Variants in PLCB1 observed in about 807,000 individuals in gnomAD.
PLCB1 encodes phospholipase C beta 1, also known as 1-phosphatidylinositol 4,5-bisphosphate phosphodiesterase beta-1.
In PLCB1, 46 loss-of-function variants were observed where a neutral mutation model predicts 161.8. The observed-to-expected ratio is 0.28, with a 90% CI of 0.22 to 0.36. The LOEUF is 0.36. PLCB1 is among the 10% of genes least tolerant of loss of function. The pLI, the probability that PLCB1 is intolerant of heterozygous loss-of-function variation, is 1.00. For synonymous variants in PLCB1, 517 were observed against 503.7 expected (o/e 1.03, Z -0.35); for missense variants, 1,016 against 1,472.5 (o/e 0.69, Z 5.07).
At chr20:8,323,354 G>A (rs73591710) in intron 2 of PLCB1, among the ~76,000 whole-genome samples, 2,554 of 152,212 alleles carry the variant, frequency 0.017, 63 homozygotes, top group Middle Eastern at 0.051. Flanking sequence ...TTGTGGTTCT[G>A]TGGGTCAACT....
intron 3 of PLCB1, among the ~76,000 whole-genome samples, chr20:8,498,634 G>A (rs926375582): frequency 6.6e-6 from 1 of 152,254 alleles, no homozygotes; most frequent in East Asian, 1.9e-4. Context: ...GACATGTGAT[G>A]CCATAATAGT....
chr20:8,539,157 C>T (rs1043624509), intron 3 of PLCB1, among the ~76,000 whole-genome samples: 1 of 152,136 alleles, frequency 6.6e-6, no homozygotes, highest in Non-Finnish European at 1.5e-5. Flanking sequence ...CCTTAATTCT[C>T]ATTTTCAGTT....
At chr20:8,626,341 G>A (rs1988346508) in intron 3 of PLCB1, among the ~76,000 whole-genome samples, 1 of 152,076 alleles carries the variant, frequency 6.6e-6, no homozygotes, top group Non-Finnish European at 1.5e-5. Context: ...ACTCTGGGTG[G>A]TCTTTACTTG....
intron 2 of PLCB1, among the ~76,000 whole-genome samples, chr20:8,216,546 A>T (rs1365504588): frequency 3.9e-5 from 6 of 152,124 alleles, no homozygotes; most frequent in Admixed American, 2.6e-4. Flanking sequence ...TAAAAATACG[A>T]TTCTAAGTAA....
At chr20:8,340,831 C>G (rs1985782653) in intron 2 of PLCB1, among the ~76,000 whole-genome samples, 1 of 152,206 alleles carries the variant, frequency 6.6e-6, no homozygotes, top group Admixed American at 6.5e-5. Context: ...CCTGTGATCT[C>G]ATGGAGTCTA....
At chr20:8,758,323 G>C (rs948923307) in intron 24 of PLCB1, among the ~76,000 whole-genome samples, 1 of 151,818 alleles carries the variant, frequency 6.6e-6, no homozygotes, top group African/African-American at 2.4e-5. Flanking sequence ...GCTCATGCCC[G>C]TAATCCCAGT....
At chr20:8,508,665 A>C (rs1262912604) in intron 3 of PLCB1, among the ~76,000 whole-genome samples, 1 of 152,208 alleles carries the variant, frequency 6.6e-6, no homozygotes, top group East Asian at 1.9e-4. Flanking sequence ...TGCATATGTC[A>C]GTTCTATGTT....
At position 8,132,764 on chromosome 20, in the gene PLCB1, C is replaced by T. The variant is rs370355249; in HGVS notation, c.99+14C>T. On this transcript the variant is annotated intron_variant, in intron 1 of 31. Transcript: ENST00000338037. The surrounding 1 kb of genome is among the most constrained non-coding windows in gnomAD (Gnocchi z 5.2). ...AAGTGGGATGATGTAAGTATTGGGG[C>T]GGCCCGAGTCGGGGCGCTGGCTCGG... The T allele has an allele frequency of 3.7e-5, 59 of 1,577,218 alleles. No homozygotes were observed. Among genetic ancestry groups the T allele is most frequent in the South Asian group, 6.7e-5 (6 of 89,852 alleles).
At chr20:8,305,958 A>G (rs183740251) in intron 2 of PLCB1, 2 of 152,296 alleles carry the variant, frequency 1.3e-5, no homozygotes, top group East Asian at 3.9e-4. Context: ...TGTGTGTGGT[A>G]TCCTCATGAT....
At chr20:8,670,481 A>G (rs1420941590) in intron 9 of PLCB1, among the ~76,000 whole-genome samples, 4 of 152,236 alleles carry the variant, frequency 2.6e-5, no homozygotes, top group Non-Finnish European at 5.9e-5. Context: ...TGAGAAGAGT[A>G]CATAGCCATT....
At chr20:8,358,362 C>T (rs1171979497) in intron 2 of PLCB1, among the ~76,000 whole-genome samples, 1 of 152,180 alleles carries the variant, frequency 6.6e-6, no homozygotes, top group Non-Finnish European at 1.5e-5. Flanking sequence ...GATTCTTCCA[C>T]GTCAGCCTCC....
At chr20:8,864,553 T>A (rs8121979) in intron 31 of PLCB1, among the ~76,000 whole-genome samples, 25,140 of 152,118 alleles carry the variant, frequency 0.17, 2,140 homozygotes, top group South Asian at 0.23. Flanking sequence ...CATGAATGAA[T>A]AAATCAATGA....
At chr20:8,323,810 G>A (rs1457361509) in intron 2 of PLCB1, among the ~76,000 whole-genome samples, 1 of 151,330 alleles carries the variant, frequency 6.6e-6, no homozygotes, top group African/African-American at 2.4e-5. Context: ...GGGCCTTATT[G>A]GTATTTGCAA....
At chr20:8,134,689 G>A (rs1057512279) in intron 1 of PLCB1, among the ~76,000 whole-genome samples, 8 of 152,054 alleles carry the variant, frequency 5.3e-5, no homozygotes, top group Non-Finnish European at 1.2e-4. Flanking sequence ...AAACACCAAT[G>A]AGAGAGAGAT....
At chr20:8,824,950 C>CT (rs1985618228) in intron 31 of PLCB1, among the ~76,000 whole-genome samples, 2 of 152,182 alleles carry the variant, frequency 1.3e-5, no homozygotes, top group Admixed American at 1.3e-4. Context: ...TGGGTCAACA[C>CT]TGGCCACAGA....
intron 2 of PLCB1, among the ~76,000 whole-genome samples, chr20:8,228,667 G>A (rs1222026499): frequency 1.4e-5 from 2 of 141,564 alleles, no homozygotes; most frequent in Non-Finnish European, 3.0e-5. Flanking sequence ...GCACCACCAC[G>A]CCCCACTAAT....
chr20:8,613,563 T>C (rs1408953124), intron 3 of PLCB1, among the ~76,000 whole-genome samples: 6 of 152,212 alleles, frequency 3.9e-5, no homozygotes, highest in African/African-American at 1.4e-4. Context: ...AAGATTCTTA[T>C]AAAAGGTTTA....
chr20:8,675,741 G>C (rs1349245362), intron 9 of PLCB1, among the ~76,000 whole-genome samples: 2 of 152,098 alleles, frequency 1.3e-5, no homozygotes, highest in African/African-American at 2.4e-5. Flanking sequence ...ATCTGGCAAG[G>C]GTGAGGGATA....
At chr20:8,797,797 A>T (rs1280693130) in intron 31 of PLCB1, among the ~76,000 whole-genome samples, 1 of 152,358 alleles carries the variant, frequency 6.6e-6, no homozygotes, top group Admixed American at 6.5e-5. Flanking sequence ...GCAAAAGCCT[A>T]TCAGGGCAAA....
Sources: allele counts gnomAD v4.1 joint callset (sites outside exome capture counted in the v4.1 genomes callset), GRCh38; gene constraint gnomAD v4.1.1; non-coding constraint Gnocchi (gnomAD v3.1); transcripts MANE v1.5; gene names NCBI Gene and HGNC (gene_info 2026-07-23, HGNC 2026-07-21).